ADGRF5: variants seen among roughly 807,000 people sequenced by gnomAD.
The protein encoded by ADGRF5 is adhesion G protein-coupled receptor F5.
A neutral mutation model predicts 132.3 loss-of-function variants in ADGRF5; 75 were observed. The ratio of observed to expected loss-of-function variants is 0.57; its 90% CI spans 0.47 to 0.69. The LOEUF (loss-of-function observed/expected upper bound fraction) is 0.69, where lower values mean the gene tolerates loss of function less well. Among genes scored for constraint, ADGRF5 ranks in the 30% least tolerant of loss-of-function variants. The pLI is 0.00. For synonymous variants in ADGRF5, 629 were observed against 597.6 expected, an observed-to-expected ratio of 1.05 and a Z score of -0.77; for missense variants, 1,516 against 1,630.6, an observed-to-expected ratio of 0.93 and a Z score of 1.21.
chr6:46,877,271 CT>C (rs1222758088), intron 10 of ADGRF5, among the ~76,000 whole-genome samples: 6 of 42,996 alleles, frequency 1.4e-4, no homozygotes, highest in South Asian at 1.2e-3. Flanking sequence ...TTCTTTCTTT[CT>C]TTCTTTCTTT....
chr6:46,953,350 C>T (rs1778569066), intron 1 of ADGRF5, among the ~76,000 whole-genome samples: 1 of 152,040 alleles, frequency 6.6e-6, no homozygotes, highest in Non-Finnish European at 1.5e-5. Flanking sequence ...GGTCGGGCAC[C>T]ATGGCTCCCG....
At chr6:46,854,743 C>A (rs1380391099) in intron 20 of ADGRF5, 3 of 1,287,082 alleles carry the variant, frequency 2.3e-6, no homozygotes, top group Non-Finnish European at 3.0e-6. Context: ...CCACCGCTAA[C>A]AAGGTTTCCG....
At chr6:46,899,124 G>T (rs1774480704) in intron 3 of ADGRF5, among the ~76,000 whole-genome samples, 1 of 152,092 alleles carries the variant, frequency 6.6e-6, no homozygotes, top group South Asian at 2.1e-4. Context: ...TGATGATCTG[G>T]GGAATGGATG....
chr6:46,866,397 A>C (rs1197060710), intron 13 of ADGRF5, among the ~76,000 whole-genome samples: 1 of 152,134 alleles, frequency 6.6e-6, no homozygotes, highest in Non-Finnish European at 1.5e-5. Flanking sequence ...TAGGGAGCAC[A>C]GTCTTTACTT....
At chr6:46,918,950 A>T (rs1237778603) in intron 1 of ADGRF5, among the ~76,000 whole-genome samples, 2 of 152,216 alleles carry the variant, frequency 1.3e-5, no homozygotes. Flanking sequence ...GAGATTAAAA[A>T]CAACAAACAA....
intron 1 of ADGRF5, among the ~76,000 whole-genome samples, chr6:46,909,724 C>T (rs1325543849): frequency 1.3e-5 from 2 of 152,164 alleles, no homozygotes; most frequent in South Asian, 2.1e-4. Flanking sequence ...CCTGCAATCC[C>T]AGCATTTTCA....
At chr6:46,950,124 G>A (rs970789133) in intron 1 of ADGRF5, among the ~76,000 whole-genome samples, 5 of 152,058 alleles carry the variant, frequency 3.3e-5, no homozygotes, top group African/African-American at 9.7e-5. Flanking sequence ...GTCATCACCC[G>A]GACTCCACCC....
rs571158886 is a variant in ADGRF5 at position 46,881,517 on chromosome 6, A to G, written c.752T>C (p.Val251Ala). The G allele has an allele frequency of 1.5e-5, 25 of 1,613,318 alleles. No individual in the cohort carries two copies. In the South Asian group the frequency reaches 2.5e-4, roughly 16 times the overall value. The change falls in exon 8 of 21, where the codon GTT becomes GCT. Residue 251 changes from valine (V) to alanine (A), a missense_variant. By Grantham distance (64) the Val-to-Ala change is moderately conservative. Coordinates refer to ENST00000283296, the MANE Select transcript of ADGRF5 (RefSeq NM_001098518.2). Reference protein sequence around the residue: ...LELIHKANEQVVQSLNQTYKM... With the variant: ...LELIHKANEQAVQSLNQTYKM... Reference sequence around the variant, plus strand: ...GTAGGTCTGATTGAGGCTCTGTACAACTTGTTCATTGGCTTTATGTATTAA... The same window carrying G: ...GTAGGTCTGATTGAGGCTCTGTACAGCTTGTTCATTGGCTTTATGTATTAA...
chr6:46,927,047 A>C (rs1270575475), intron 1 of ADGRF5, among the ~76,000 whole-genome samples: 2 of 152,122 alleles, frequency 1.3e-5, no homozygotes, highest in Non-Finnish European at 2.9e-5. Flanking sequence ...GGGACTGCAA[A>C]GCCCTGTCCT....
chr6:46,920,970 A>G (rs1198661083), intron 1 of ADGRF5, among the ~76,000 whole-genome samples: 1 of 152,220 alleles, frequency 6.6e-6, no homozygotes, highest in Non-Finnish European at 1.5e-5. Flanking sequence ...TGAAAAACCA[A>G]CTACGTTAGC....
chr6:46,857,372 C>G (rs747089993), intron 17 of ADGRF5, among the ~76,000 whole-genome samples: 1 of 152,182 alleles, frequency 6.6e-6, no homozygotes, highest in Admixed American at 6.5e-5. Context: ...AGCAGTATCT[C>G]GAGTGTGCCT....
chr6:46,900,527 C>T (rs971450258), intron 2 of ADGRF5, among the ~76,000 whole-genome samples: 1 of 151,650 alleles, frequency 6.6e-6, no homozygotes, highest in African/African-American at 2.4e-5. Flanking sequence ...TATTAGGGCT[C>T]TTTAACCATT....
At chr6:46,954,269 G>C (rs958849927) in intron 1 of ADGRF5, among the ~76,000 whole-genome samples, 1 of 151,534 alleles carries the variant, frequency 6.6e-6, no homozygotes, top group Admixed American at 6.6e-5. Context: ...ATAGCACATA[G>C]GCACTCTAAA....
chr6:46,862,506 T>C (rs483813), intron 15 of ADGRF5, among the ~76,000 whole-genome samples: 126,991 of 151,906 alleles, frequency 0.84, 54,885 homozygotes, highest in East Asian at 0.99. Flanking sequence ...CTTGTTTTTT[T>C]ATATTGCTCC....
At chr6:46,886,844 C>A (rs1445484379) in intron 4 of ADGRF5, 1 of 152,230 alleles carries the variant, frequency 6.6e-6, no homozygotes, top group Non-Finnish European at 1.5e-5. Context: ...GAGCCTGAGG[C>A]TTTCTCTGCC....
At chr6:46,929,498 T>TAAAATA (rs10625233) in intron 1 of ADGRF5, among the ~76,000 whole-genome samples, 87,621 of 134,898 alleles carry the variant, frequency 0.65, 27,654 homozygotes, top group East Asian at 0.81. Context: ...ATAATAATAA[T>TAAAATA]AAAATAAAAA....
In ADGRF5 at chr6:46,858,433, G is replaced by C. The variant is rs141322343; in HGVS notation, c.3470C>G (p.Thr1157Arg). 1.9e-6 allele frequency: 3 copies of C among 1,613,898 alleles called. No homozygotes were observed. The South Asian group carries it at 3.3e-5, about 18-fold the overall frequency. ...GTTGAGCCAACAGACATTCTTCCTCGTATAGACTTCCCGGGGCTGGGTGGC... is the reference window on the plus strand; with the variant it reads ...GTTGAGCCAACAGACATTCTTCCTCCTATAGACTTCCCGGGGCTGGGTGGC... ...LGATQPREVY[T>R]RKNVCWLNWE... The change falls in exon 17 of 21, where the codon ACG (threonine) becomes AGG (arginine). Residue 1157 changes from threonine to arginine, a missense_variant. Around this residue, in one of 2 missense-constraint regions of ADGRF5, gnomAD observed 571 missense variants for 701.2 expected, o/e 0.81. Transcript: ENST00000283296.
At chr6:46,927,743 C>T (rs1777327421) in intron 1 of ADGRF5, among the ~76,000 whole-genome samples, 1 of 152,088 alleles carries the variant, frequency 6.6e-6, no homozygotes, top group Non-Finnish European at 1.5e-5. Context: ...ATCCACAACC[C>T]CCAAGTCCCA....
In ADGRF5 at chr6:46,927,423, G is replaced by C. The variant is rs553903865; in HGVS notation, c.-24-20637C>G. On this transcript the variant is annotated intron_variant, in intron 1 of 20. Transcript: ENST00000265417. The stretch of plus-strand genomic sequence containing the variant: ...GTGTCAGAGCCAGACTTAGAATTCA[G>C]ATCTTGTGTCTCTGCATCCCGTGCT... Among the ~76,000 whole-genome samples the C allele has an allele frequency of 1.3e-3, 205 of 152,138 alleles. 2 individuals carry two copies. The highest frequency in any genetic ancestry group is 4.5e-3 in the African/African-American group (188 of 41,482).
Sources: gnomAD v4.1 joint callset for allele counts (sites outside exome capture counted in the v4.1 genomes callset) on GRCh38, gnomAD v4.1.1 for gene constraint, gnomAD v4.1.1 regional missense constraint, MANE v1.5 for transcripts, NCBI Gene and HGNC (gene_info 2026-07-23, HGNC 2026-07-21) for gene names.